Variants in TMCC2 observed in about 807,000 individuals in gnomAD.
TMCC2 encodes the protein transmembrane and coiled-coil domains protein 2.
In TMCC2, 16 loss-of-function variants were observed where a neutral mutation model predicts 49.4. The observed-to-expected ratio is 0.32, with a 90% CI of 0.22 to 0.49. TMCC2 has a LOEUF of 0.49. TMCC2 is among the 20% of genes least tolerant of loss of function. The pLI is 0.99. For synonymous variants in TMCC2, 397 were observed against 434.1 expected (o/e 0.91, Z 1.06); for missense variants, 762 against 989.8 (o/e 0.77, Z 3.09).
chr1:205,232,505 G>A (rs1369935230), intron 1 of TMCC2, among the ~76,000 whole-genome samples: 1 of 152,186 alleles, frequency 6.6e-6, no homozygotes, highest in Non-Finnish European at 1.5e-5. Context: ...GGGTTGCTAA[G>A]CCACAGAGAG....
intron 1 of TMCC2, 89 bp downstream of exon 1, chr1:205,228,860 G>A (rs1659669994): frequency 1.4e-6 from 2 of 1,474,336 alleles, no homozygotes; most frequent in South Asian, 2.7e-5. Flanking sequence ...ATAAAAGTGA[G>A]GGGGGAAGCC....
intron 2 of TMCC2, among the ~76,000 whole-genome samples, chr1:205,242,617 T>A (rs1359717231): frequency 6.6e-6 from 1 of 152,210 alleles, no homozygotes; most frequent in Non-Finnish European, 1.5e-5. Context: ...CGTTCTTTTA[T>A]TCGTGTAACA....
rs777776134 is a variant in TMCC2, at chr1:205,269,193, C to T, written c.991C>T (p.Arg331Cys). The part of the protein sequence containing the change: ...ANNADKQQVS[R>C]IKQVFEKKNQ... The stretch of plus-strand genomic sequence containing the variant: ...CAACGCGGACAAGCAGCAGGTGTCA[C>T]GCATCAAGCAAGTGTTCGAGAAGAA... Residue 331 changes from arginine (R) to cysteine (C), a missense_variant, in exon 3 of 5, where the codon CGC becomes TGC. By Grantham distance (180) the Arg-to-Cys change is radical. Coordinates refer to ENST00000358024, the MANE Select transcript of TMCC2 (RefSeq NM_014858.4). 8 of 1,614,134 alleles carry T rather than the reference C, an allele frequency of 5.0e-6. No individual in the cohort carries two copies. The highest frequency in any genetic ancestry group is 6.8e-6 in the Non-Finnish European group (8 of 1,180,044).
intron 2 of TMCC2, among the ~76,000 whole-genome samples, chr1:205,248,855 T>G (rs1660557994): frequency 6.6e-6 from 1 of 152,154 alleles, no homozygotes; most frequent in African/African-American, 2.4e-5. Flanking sequence ...AGCTGATCCC[T>G]GGGCTTGTGC....
intron 2 of TMCC2, among the ~76,000 whole-genome samples, chr1:205,249,909 C>T (rs1660600443): frequency 6.6e-6 from 1 of 152,204 alleles, no homozygotes; most frequent in Non-Finnish European, 1.5e-5. Context: ...AATTGCTGCT[C>T]CCTGTCTCAG....
At chr1:205,229,559 T>TGGGGGGGGGGGGGG (rs1659706107) in intron 1 of TMCC2, 1 of 189,972 alleles carries the variant, frequency 5.3e-6, no homozygotes, top group African/African-American at 2.3e-4. Flanking sequence ...GGGGGGGGGG[T>TGGGGGGGGGGGGGG]GGTGGCGGGG....
intron 2 of TMCC2, among the ~76,000 whole-genome samples, chr1:205,265,364 A>G (rs1661280080): frequency 6.6e-6 from 1 of 152,228 alleles, no homozygotes; most frequent in Non-Finnish European, 1.5e-5. Context: ...GCTGCTAGGA[A>G]GGAGCCACGG....
At position 205,242,000 on chromosome 1, in the gene TMCC2, A is replaced by C; in HGVS notation, c.703A>C (p.Asn235His). The change falls in exon 2 of 5, where the codon AAC (asparagine) becomes CAC (histidine). Residue 235 changes from asparagine to histidine, a missense_variant. Asn to His is a moderately conservative substitution (Grantham distance 68, BLOSUM62 1). Transcript: ENST00000358024. This position sits in a 1 kb window ranked among gnomAD's most constrained non-coding sequence, Gnocchi z 7.3. Reference sequence around the variant, plus strand: ...TGCTCTGCTGCTGGCCGACGGCAGCAACGTGTACCTCCTGGCTGAGGAGGC... The same window carrying C: ...TGCTCTGCTGCTGGCCGACGGCAGCCACGTGTACCTCCTGGCTGAGGAGGC... ...DTALLLADGS[N>H]VYLLAEEAEG... 6.2e-7 allele frequency: 1 copy of C among 1,608,066 alleles called. No homozygotes were observed.
At chr1:205,266,048 T>A (rs997356232) in intron 2 of TMCC2, among the ~76,000 whole-genome samples, 7 of 147,928 alleles carry the variant, frequency 4.7e-5, no homozygotes, top group African/African-American at 1.7e-4. Flanking sequence ...GCGACCATCC[T>A]GGCTAACACG....
chr1:205,266,143 A>G (rs1661316220), intron 2 of TMCC2, among the ~76,000 whole-genome samples: 1 of 149,854 alleles, frequency 6.7e-6, no homozygotes. Flanking sequence ...CGGGAGGCCG[A>G]GGCAGGAGAA....
intron 2 of TMCC2, among the ~76,000 whole-genome samples, chr1:205,266,515 C>T (rs1661337711): frequency 6.6e-6 from 1 of 151,668 alleles, no homozygotes. Flanking sequence ...ATCACTTGAA[C>T]CCAGGAGGCA....
rs867116319 is a variant in TMCC2, at chr1:205,271,987, G to A, written c.1993G>A (p.Ala665Thr). Residue 665 changes from alanine to threonine, a missense_variant, in exon 5 of 5, where the codon GCC becomes ACC. This residue lies in a region of TMCC2 where 440 missense variants were observed against 636.7 expected (regional missense o/e 0.69). Transcript: ENST00000358024. ...GCTGCTGGTGTTCGTGTCCACCATC[G>A]CCAACTTCATCACGCCCCTCATGAA... The part of the protein sequence containing the change: ...AVLLVFVSTI[A>T]NFITPLMKTR... The A allele has an allele frequency of 2.0e-5, 32 of 1,614,040 alleles. No individual in the cohort carries two copies. The highest frequency in any genetic ancestry group is 2.7e-5 in the Non-Finnish European group (32 of 1,180,022).
At chr1:205,255,665 G>C (rs1350991418) in intron 2 of TMCC2, among the ~76,000 whole-genome samples, 1 of 152,176 alleles carries the variant, frequency 6.6e-6, no homozygotes, top group Non-Finnish European at 1.5e-5. Context: ...GCTAAATGAG[G>C]TAGATCATTT....
rs1050520641 is a variant in TMCC2 at position 205,246,783 on chromosome 1, C to T, written c.747+4739C>T. On this transcript the variant is annotated intron_variant, in intron 2 of 4. Transcript: ENST00000358024. ...GCAGCTATTTTATGAGGAGGGAAAA[C>T]GTGAACCTTGCTGTCTTTGGTTGCC... The T allele has an allele frequency of 2.7e-5, 36 of 1,357,454 alleles. No homozygotes were observed. The East Asian group carries it at 5.0e-4, about 19-fold the overall frequency. The allele number at this position is 1,357,454 out of a possible 1,614,324, so 84.1% of individuals were successfully genotyped here.
intron 2 of TMCC2, among the ~76,000 whole-genome samples, chr1:205,245,817 G>A (rs1012699170): frequency 4.5e-5 from 5 of 111,854 alleles, no homozygotes; most frequent in African/African-American, 1.7e-4. Flanking sequence ...TTTTTTTTTT[G>A]AGAGAGTCTT....
Position 205,241,054 on chromosome 1 carries a change from A to G in TMCC2, c.208-451A>G, listed in dbSNP as rs555043062. The stretch of plus-strand genomic sequence containing the variant: ...TACTGGGGGAATGTTGGAATTAGGC[A>G]ACTTTGGAAATCGATGCTTGGTGGC... On this transcript the variant is annotated intron_variant, in intron 1 of 4. Transcript: ENST00000358024. This position sits in a 1 kb window ranked among gnomAD's most constrained non-coding sequence, Gnocchi z 7.3. Among the ~76,000 whole-genome samples the G allele has an allele frequency of 1.8e-4, 27 of 152,178 alleles. No individual in the cohort carries two copies. The highest frequency in any genetic ancestry group is 3.4e-4 in the Non-Finnish European group (23 of 68,036).
intron 1 of TMCC2, among the ~76,000 whole-genome samples, chr1:205,238,352 C>T (rs778385508): frequency 3.3e-5 from 5 of 152,148 alleles, no homozygotes; most frequent in Admixed American, 6.5e-5. Flanking sequence ...GTTCCCGCCT[C>T]GCACCTTATC....
chr1:205,268,848 G>A, intron 2 of TMCC2, 102 bp from the exon 3 acceptor site: 2 of 1,129,354 alleles, frequency 1.8e-6, no homozygotes, highest in African/African-American at 1.5e-5. Flanking sequence ...TTGGACTCCT[G>A]CATCCATTTT....
Position 205,269,710 on chromosome 1 carries a change from G to C in TMCC2, c.1508G>C (p.Ser503Thr). Reference protein sequence around the residue: ...SGAGPGGALGSPKSNALYGAP... With the variant: ...SGAGPGGALGTPKSNALYGAP... ...GCTGGGCCTGGTGGGGCGCTGGGGAGCCCTAAGTCCAATGCACTGTATGGT... is the reference window on the plus strand; with the variant it reads ...GCTGGGCCTGGTGGGGCGCTGGGGACCCCTAAGTCCAATGCACTGTATGGT... The change falls in exon 3 of 5, where the codon AGC becomes ACC. Residue 503 changes from serine (S) to threonine (T), a missense_variant. Physicochemically the swap from Ser to Thr is moderately conservative, Grantham distance 58 (BLOSUM62 1). This residue lies in a region of TMCC2 where 440 missense variants were observed against 636.7 expected (regional missense o/e 0.69). Coordinates refer to ENST00000358024, the MANE Select transcript of TMCC2 (RefSeq NM_014858.4). 1 of 1,614,180 alleles carries C rather than the reference G, an allele frequency of 6.2e-7. No individual in the cohort carries two copies. The highest frequency in any genetic ancestry group is 8.5e-7 in the Non-Finnish European group (1 of 1,180,024).
Sources: allele counts gnomAD v4.1 joint callset (sites outside exome capture counted in the v4.1 genomes callset), GRCh38; gene constraint gnomAD v4.1.1; regional missense constraint gnomAD v4.1.1; non-coding constraint Gnocchi (gnomAD v3.1); transcripts MANE v1.5; gene names NCBI Gene and HGNC (gene_info 2026-07-23, HGNC 2026-07-21).